PKDCC: variants seen among roughly 807,000 people sequenced by gnomAD.
The protein encoded by PKDCC is extracellular tyrosine-protein kinase PKDCC.
Under a neutral mutation model 44.7 loss-of-function variants are expected in PKDCC, and 35 were observed. The ratio of observed to expected loss-of-function variants is 0.78; its 90% confidence interval spans 0.60 to 1.04. The LOEUF (loss-of-function observed/expected upper bound fraction) is 1.04. PKDCC is among the 50% of genes least tolerant of loss of function. The probability of loss-of-function intolerance (pLI) is 0.00; values close to 1 mark genes in which losing one functional copy is unlikely to be tolerated. For synonymous variants in PKDCC, 353 were observed against 303.3 expected (o/e 1.16, Z -1.70); for missense variants, 738 against 672.7 (o/e 1.10, Z -1.07).
rs1045444339 is a variant in PKDCC at position 42,054,704 on chromosome 2, C to T, written c.1035-237C>T. The T allele has an allele frequency of 4.1e-5, 24 of 583,468 alleles. No individual in the cohort carries two copies. In the East Asian group the frequency reaches 5.4e-4, roughly 13 times the overall value. The allele number at this position is 583,468 out of a possible 1,614,324, so 36.1% of individuals were successfully genotyped here. On this transcript the variant is annotated intron_variant, in intron 3 of 6. Coordinates refer to ENST00000294964, the MANE Select transcript of PKDCC (RefSeq NM_138370.3). The surrounding 1 kb of genome is among the most constrained non-coding windows in gnomAD (Gnocchi z 6.1). ...TGTGGGGCTGGGAGGTGGGCAAGTCCTGGGAAGGGTTGGGAAGCAGGCCCC... is the reference window on the plus strand; with the variant it reads ...TGTGGGGCTGGGAGGTGGGCAAGTCTTGGGAAGGGTTGGGAAGCAGGCCCC...
chr2:42,048,586 C>G lies in PKDCC; in HGVS notation c.387C>G (p.Arg129=), dbSNP rs11891679. 348,032 of 1,454,146 alleles carry G rather than the reference C, an allele frequency of 0.24. 43,543 individuals carry two copies. Among genetic ancestry groups the G allele is most frequent in the Middle Eastern group, 0.33 (1,429 of 4,274 alleles). The allele number at this position is 1,454,146 out of a possible 1,614,324, so 90.1% of individuals were successfully genotyped here. Residue 129 remains arginine (R), a synonymous_variant, in exon 1 of 7, where the codon CGC becomes CGG. Transcript: ENST00000294964. This position sits in a 1 kb window ranked among gnomAD's most constrained non-coding sequence, Gnocchi z 6.2. ...PGPGSPGPGP[R]LGCAALRNVS... ...CAGGCTCCCCCGGCCCGGGCCCGCG[C>G]CTGGGCTGCGCCGCGCTTCGCAACG...
chr2:42,057,612 T>C lies in PKDCC; in HGVS notation c.1406T>C (p.Leu469Pro), dbSNP rs1405269424. 1 of 1,613,834 alleles carries C rather than the reference T, an allele frequency of 6.2e-7. No homozygotes were observed. Residue 469 changes from leucine (L) to proline (P), a missense_variant, in exon 7 of 7, where the codon CTG (leucine) becomes CCG (proline). Leu to Pro is a moderately conservative substitution (Grantham distance 98). Transcript: ENST00000294964. ...TNQTTWTGRQ[L>P]VFFKTGWSQV... ...CACCTCTGCCCCCCAGGTCGGCAGC[T>C]GGTCTTTTTCAAGACTGGATGGAGC...
At position 42,058,448 on chromosome 2, in the gene PKDCC, G is replaced by C. The variant is rs1212809489; in HGVS notation, c.*760G>C. On this transcript the variant is annotated 3_prime_UTR_variant, in exon 7 of 7. Coordinates refer to ENST00000294964, the MANE Select transcript of PKDCC (RefSeq NM_138370.3). The surrounding 1 kb of genome is among the most constrained non-coding windows in gnomAD (Gnocchi z 4.2). ...ATATCCAGAATCTTTTGTACTTCTT[G>C]TTGGTTAAATTGTTTATTTTTGTAA... The C allele has an allele frequency of 6.6e-6, 1 of 152,478 alleles. No individual in the cohort carries two copies. Among genetic ancestry groups the C allele is most frequent in the African/African-American group, 2.4e-5 (1 of 41,402 alleles). The allele number at this position is 152,478 out of a possible 1,614,324, so 9.4% of individuals were successfully genotyped here.
chr2:42,055,392 C>G lies in PKDCC; in HGVS notation c.1221C>G (p.Thr407=), dbSNP rs142280977. The change falls in exon 5 of 7, where the codon ACC becomes ACG. Residue 407 remains threonine (T), a splice_region_variant and synonymous_variant. Coordinates refer to ENST00000294964, the MANE Select transcript of PKDCC (RefSeq NM_138370.3). This position sits in a 1 kb window ranked among gnomAD's most constrained non-coding sequence, Gnocchi z 4.5. ...AGAACTCCACGGCAAGCAGCAGTAC[C>G]GGTGAGTGGCCCCAAGCTGATCCAC... ...YLQNSTASSS[T]EYQCIPDSTI... 8.1e-6 allele frequency: 13 copies of G among 1,612,588 alleles called. No individual in the cohort carries two copies. Among genetic ancestry groups the G allele is most frequent in the Non-Finnish European group, 1.0e-5 (12 of 1,179,568 alleles).
rs747965088 is a variant in PKDCC, at chr2:42,053,360, G to T, written c.761G>T (p.Arg254Leu). 6.2e-7 allele frequency: 1 copy of T among 1,610,956 alleles called. No homozygotes were observed. The highest frequency in any genetic ancestry group is 1.7e-5 in the Admixed American group (1 of 59,728). The change falls in exon 2 of 7, where the codon CGA (arginine) becomes CTA (leucine). Residue 254 changes from arginine (R) to leucine (L), a missense_variant and splice_region_variant. Arg to Leu is a moderately radical substitution (Grantham distance 102). Transcript: ENST00000294964. ...CAAACTTCCTGGGAGGATCGATTCC[G>T]AGTGAGCTCAGAGGAGGGCTCGGGC... ...LLQTSWEDRF[R>L]ICLSLGRLLH...
rs1668084526 is a variant in PKDCC at position 42,057,878 on chromosome 2, G to T, written c.*190G>T. The T allele has an allele frequency of 1.7e-6, 1 of 594,208 alleles. No homozygotes were observed. Among genetic ancestry groups the T allele is most frequent in the Non-Finnish European group, 3.0e-6 (1 of 335,084 alleles). 36.8% of individuals were successfully genotyped at this position (594,208 alleles called of 1,614,324 possible). The stretch of plus-strand genomic sequence containing the variant: ...CAAATGTTAAAATGTGAGTTTACCA[G>T]CCTAGCTATGGGACTGCTGGCTCCT... On this transcript the variant is annotated 3_prime_UTR_variant, in exon 7 of 7. Transcript: ENST00000294964.
In PKDCC at chr2:42,057,407, G is replaced by A. The variant is rs1462790169; in HGVS notation, c.1396+13G>A. The A allele has an allele frequency of 1.2e-6, 2 of 1,614,096 alleles. No individual in the cohort carries two copies. The highest frequency in any genetic ancestry group is 3.3e-5 in the Admixed American group (2 of 60,026). ...ACCACCTGGACAGGTGAGCCAGTGG[G>A]AGAAGCCCTTCCAAGGGAGATGGCA... On this transcript the variant is annotated intron_variant, in intron 6 of 6. Transcript: ENST00000294964.
rs778933479 is a variant in PKDCC, at chr2:42,054,179, G to A, written c.906G>A (p.Glu302=). Residue 302 remains glutamate (E), a synonymous_variant, in exon 3 of 7, where the codon GAG becomes GAA. Transcript: ENST00000294964. The surrounding 1 kb of genome is among the most constrained non-coding windows in gnomAD (Gnocchi z 6.1). ...CGGACCTGGATGACGCACGTGTGGAGGAGACGCCGTGTGCAGGCAGCACCG... is the reference window on the plus strand; with the variant it reads ...CGGACCTGGATGACGCACGTGTGGAAGAGACGCCGTGTGCAGGCAGCACCG... ...KVTDLDDARV[E]ETPCAGSTDC... The A allele has an allele frequency of 3.0e-5, 48 of 1,610,996 alleles. No homozygotes were observed. The highest frequency in any genetic ancestry group is 4.1e-5 in the Non-Finnish European group (48 of 1,178,674).
Position 42,048,277 on chromosome 2 carries a change from CGCTCCGGGCT to C in PKDCC, c.79_88del (p.Ala27ArgfsTer58). 7.8e-7 allele frequency: 1 copy of C among 1,278,986 alleles called. No homozygotes were observed. The highest frequency in any genetic ancestry group is 9.9e-7 in the Non-Finnish European group (1 of 1,006,328). 79.2% of individuals were successfully genotyped at this position (1,278,986 alleles called of 1,614,324 possible). ...TGGGCTCCGTCCTCAACGTGCTCTT[CGCTCCGGGCT>C]CGGAGCCTCCGAGGCCAGGCCAGTC... On this transcript the variant is annotated frameshift_variant, in exon 1 of 7. Transcript: ENST00000294964. LOFTEE classifies it high-confidence loss of function. The surrounding 1 kb of genome is among the most constrained non-coding windows in gnomAD (Gnocchi z 6.2).
chr2:42,054,976 C>T lies in PKDCC; in HGVS notation c.1070C>T (p.Pro357Leu), dbSNP rs774430424. The T allele has an allele frequency of 7.4e-6, 12 of 1,614,014 alleles. No homozygotes were observed. Among genetic ancestry groups the T allele is most frequent in the East Asian group, 2.2e-5 (1 of 44,894 alleles). ...FFTYLLPHSA[P>L]PSLRPLLDSI... ...ACATACCTCCTGCCTCACAGTGCCC[C>T]GCCTTCACTGCGTCCTCTGCTGGAC... The change falls in exon 4 of 7, where the codon CCG becomes CTG. Residue 357 changes from proline to leucine, a missense_variant. Coordinates refer to ENST00000294964, the MANE Select transcript of PKDCC (RefSeq NM_138370.3). The surrounding 1 kb of genome is among the most constrained non-coding windows in gnomAD (Gnocchi z 6.1).
In PKDCC at chr2:42,048,773, G is replaced by T; in HGVS notation, c.574G>T (p.Ala192Ser). The T allele has an allele frequency of 6.4e-7, 1 of 1,558,380 alleles. No homozygotes were observed. Residue 192 changes from alanine to serine, a missense_variant, in exon 1 of 7, where the codon GCG (alanine) becomes TCG (serine). Coordinates refer to ENST00000294964, the MANE Select transcript of PKDCC (RefSeq NM_138370.3). This position sits in a 1 kb window ranked among gnomAD's most constrained non-coding sequence, Gnocchi z 6.2. ...FGVRRGCYRL[A>S]AHKLLKEMVL... ...GGTACGGAGGGGCTGCTATCGGCTGGCGGCCCACAAGCTGCTTAAGGAGAT... is the reference window on the plus strand; with the variant it reads ...GGTACGGAGGGGCTGCTATCGGCTGTCGGCCCACAAGCTGCTTAAGGAGAT...
At position 42,048,567 on chromosome 2, in the gene PKDCC, C is replaced by T; in HGVS notation, c.368C>T (p.Ser123Phe). ...TGGCCCCCGGCTCCCGGCCCAGGCTCCCCCGGCCCGGGCCCGCGCCTGGGC... is the reference window on the plus strand; with the variant it reads ...TGGCCCCCGGCTCCCGGCCCAGGCTTCCCCGGCCCGGGCCCGCGCCTGGGC... ...PGWPPAPGPG[S>F]PGPGPRLGCA... is the part of the protein sequence containing the mutation. Residue 123 changes from serine (S) to phenylalanine (F), a missense_variant, in exon 1 of 7, where the codon TCC becomes TTC. Physicochemically the swap from Ser to Phe is radical, Grantham distance 155. Coordinates refer to ENST00000294964, the MANE Select transcript of PKDCC (RefSeq NM_138370.3). The surrounding 1 kb of genome is among the most constrained non-coding windows in gnomAD (Gnocchi z 6.2). 3 of 1,344,518 alleles carry T rather than the reference C, an allele frequency of 2.2e-6. No individual in the cohort carries two copies. Among genetic ancestry groups the T allele is most frequent in the Admixed American group, 3.2e-5 (1 of 31,206 alleles). The allele number at this position is 1,344,518 out of a possible 1,614,324, so 83.3% of individuals were successfully genotyped here. A position where few individuals can be genotyped will look rare whatever the true frequency, so the allele number is the denominator to read the frequency against.
rs778155199 is a variant in PKDCC at position 42,054,138 on chromosome 2, G to A, written c.865G>A (p.Gly289Arg). The change falls in exon 3 of 7, where the codon GGG (glycine) becomes AGG (arginine). Residue 289 changes from glycine (G) to arginine (R), a missense_variant. By Grantham distance (125) the Gly-to-Arg change is moderately radical (BLOSUM62 -2). Coordinates refer to ENST00000294964, the MANE Select transcript of PKDCC (RefSeq NM_138370.3). The surrounding 1 kb of genome is among the most constrained non-coding windows in gnomAD (Gnocchi z 6.1). ...CCCTCGGCAGTTTGTGCTGGTGGAT[G>A]GGGAGCTCAAAGTGACGGACCTGGA... ...FRPRQFVLVD[G>R]ELKVTDLDDA... 4 of 1,613,380 alleles carry A rather than the reference G, an allele frequency of 2.5e-6. No individual in the cohort carries two copies. The highest frequency in any genetic ancestry group is 3.4e-6 in the Non-Finnish European group (4 of 1,179,780).
In PKDCC at chr2:42,048,428, C is replaced by A. The variant is rs1282177377; in HGVS notation, c.229C>A (p.Pro77Thr). Residue 77 changes from proline (P) to threonine (T), a missense_variant, in exon 1 of 7, where the codon CCC becomes ACC. Pro to Thr is a conservative substitution (Grantham distance 38, BLOSUM62 -1). Transcript: ENST00000294964. The surrounding 1 kb of genome is among the most constrained non-coding windows in gnomAD (Gnocchi z 6.2). ...VQRYSRGGPG[P>T]GAGRPERRRL... ...GCGCTATTCCCGCGGGGGCCCCGGG[C>A]CCGGGGCGGGCCGGCCGGAGCGGCG... 1.8e-6 allele frequency: 2 copies of A among 1,125,926 alleles called. No individual in the cohort carries two copies. The highest frequency in any genetic ancestry group is 1.7e-5 in the African/African-American group (1 of 58,978). The allele number at this position is 1,125,926 out of a possible 1,614,324, so 69.7% of individuals were successfully genotyped here. A position where few individuals can be genotyped will look rare whatever the true frequency, so the allele number is the denominator to read the frequency against.
rs1222670045 is a variant in PKDCC, at chr2:42,051,421, GA to G, written c.640-1817del. ...CTGGGCCCAGATTCTGGCCCTGCTA[GA>G]GTATATTTCTTCTCCCAACCAAACA... On this transcript the variant is annotated intron_variant, in intron 1 of 6. Transcript: ENST00000294964. The surrounding 1 kb of genome is among the most constrained non-coding windows in gnomAD (Gnocchi z 4.2). Among the ~76,000 whole-genome samples the G allele has an allele frequency of 6.6e-6, 1 of 151,846 alleles. No homozygotes were observed. Among genetic ancestry groups the G allele is most frequent in the Non-Finnish European group, 1.5e-5 (1 of 67,954 alleles).
In PKDCC at chr2:42,054,786, C is replaced by G; in HGVS notation, c.1035-155C>G. 1 of 747,212 alleles carries G rather than the reference C, an allele frequency of 1.3e-6. No homozygotes were observed. Among genetic ancestry groups the G allele is most frequent in the South Asian group, 1.6e-5 (1 of 63,568 alleles). 46.3% of individuals were successfully genotyped at this position (747,212 alleles called of 1,614,324 possible). On this transcript the variant is annotated intron_variant, in intron 3 of 6. Transcript: ENST00000294964. The surrounding 1 kb of genome is among the most constrained non-coding windows in gnomAD (Gnocchi z 6.1). ...GTTAGCATGTGCCCAGAACCCTCCC[C>G]CGAGGCTGAGTAGACTTCACTGCGT... is the stretch of plus-strand genomic sequence containing the variant.
In PKDCC at chr2:42,048,936, T is replaced by C. The variant is rs938977951; in HGVS notation, c.639+98T>C. The C allele has an allele frequency of 3.5e-4, 469 of 1,344,354 alleles. No individual in the cohort carries two copies. Among genetic ancestry groups the C allele is most frequent in the Non-Finnish European group, 4.3e-4 (445 of 1,044,164 alleles). 83.3% of individuals were successfully genotyped at this position (1,344,354 alleles called of 1,614,324 possible). On this transcript the variant is annotated intron_variant, in intron 1 of 6. Transcript: ENST00000294964. The surrounding 1 kb of genome is among the most constrained non-coding windows in gnomAD (Gnocchi z 6.2). ...AGAACCCCTTGATCTGGAGTGCCAGTGACTGCACCCAGGCTAAGCTAGACG... is the reference window on the plus strand; with the variant it reads ...AGAACCCCTTGATCTGGAGTGCCAGCGACTGCACCCAGGCTAAGCTAGACG...
intron 1 of PKDCC, among the ~76,000 whole-genome samples, chr2:42,050,083 G>C (rs1340420459): frequency 6.6e-6 from 1 of 152,186 alleles, no homozygotes; most frequent in Admixed American, 6.5e-5. Context: ...TTATACTCCT[G>C]TTGGCTCCCA....
In PKDCC at chr2:42,054,626, A is replaced by G. The variant is rs910084875; in HGVS notation, c.1035-315A>G. On this transcript the variant is annotated intron_variant, in intron 3 of 6. Transcript: ENST00000294964. The surrounding 1 kb of genome is among the most constrained non-coding windows in gnomAD (Gnocchi z 6.1). ...GCCCTTGTGCTCTGGGAAATTCCTCACTGGGCCCCAGCCATGGGGCTGCTC... is the reference window on the plus strand; with the variant it reads ...GCCCTTGTGCTCTGGGAAATTCCTCGCTGGGCCCCAGCCATGGGGCTGCTC... The G allele has an allele frequency of 1.9e-6, 1 of 534,846 alleles. No homozygotes were observed. The highest frequency in any genetic ancestry group is 1.9e-5 in the African/African-American group (1 of 52,828). The allele number at this position is 534,846 out of a possible 1,614,324, so 33.1% of individuals were successfully genotyped here.
Sources: allele counts gnomAD v4.1 joint callset (sites outside exome capture counted in the v4.1 genomes callset), GRCh38; gene constraint gnomAD v4.1.1; non-coding constraint Gnocchi (gnomAD v3.1); transcripts MANE v1.5; gene names NCBI Gene and HGNC (gene_info 2026-07-23, HGNC 2026-07-21).